The following CARMIL3 variants were observed in gnomAD, a reference collection of about 807,000 sequenced individuals.
CARMIL3 encodes the protein capping protein regulator and myosin 1 linker 3.
A neutral mutation model predicts 180.8 loss-of-function variants in CARMIL3; 88 were observed. The observed-to-expected ratio is 0.49, with a 90% CI of 0.41 to 0.58. The LOEUF is 0.58. Among genes scored for constraint, CARMIL3 ranks in the 20% least tolerant of loss-of-function variants. The pLI, the probability that CARMIL3 is intolerant of heterozygous loss-of-function variation, is 0.00. For missense variants in CARMIL3, 1,548 were observed against 1,787.0 expected, an observed-to-expected ratio of 0.87 and a Z score of 2.41; for synonymous variants, 696 against 714.5, an observed-to-expected ratio of 0.97 and a Z score of 0.41.
Position 24,055,701 on chromosome 14 carries a change from G to T in CARMIL3, c.682G>T (p.Gly228Cys), listed in dbSNP as rs541456471. Reference protein sequence around the residue: ...TKLYCKDLRLGSEVLEQVLHT... With the variant: ...TKLYCKDLRLCSEVLEQVLHT... ...TCACAAGACCCCCCTCTGTCCTCAGGGCTCTGAAGTGCTAGAACAGGTGCT... is the reference window on the plus strand; with the variant it reads ...TCACAAGACCCCCCTCTGTCCTCAGTGCTCTGAAGTGCTAGAACAGGTGCT... Residue 228 changes from glycine (G) to cysteine (C), a missense_variant and splice_region_variant, in exon 10 of 40, where the codon GGC (glycine) becomes TGC (cysteine). Around this residue, in one of 4 missense-constraint regions of CARMIL3, gnomAD observed 578 missense variants for 666.5 expected, o/e 0.87. Transcript: ENST00000342740. The T allele has an allele frequency of 6.8e-6, 11 of 1,614,046 alleles. No individual in the cohort carries two copies. In the Admixed American group the frequency reaches 1.8e-4, roughly 27 times the overall value.
chr14:24,052,316 A>C, intron 1 of CARMIL3, 123 bp downstream of exon 1: 1 of 964,498 alleles, frequency 1.0e-6, no homozygotes, highest in Non-Finnish European at 1.5e-6. Flanking sequence ...TCCTGGCTCC[A>C]AGGCAGCCCC....
chr14:24,057,104 C>T (rs1293440947), intron 13 of CARMIL3, 63 bp from the exon 14 acceptor site: 1 of 1,591,402 alleles, frequency 6.3e-7, no homozygotes, highest in East Asian at 2.3e-5. Context: ...TGCCCCATGG[C>T]CTCTGGGGGT....
Position 24,063,520 on chromosome 14 carries a change from C to G in CARMIL3, c.2966C>G (p.Pro989Arg), listed in dbSNP as rs2035754426. 1 of 1,611,444 alleles carries G rather than the reference C, an allele frequency of 6.2e-7. No individual in the cohort carries two copies. The highest frequency in any genetic ancestry group is 8.5e-7 in the Non-Finnish European group (1 of 1,179,418). Residue 989 changes from proline to arginine, a missense_variant, in exon 31 of 40, where the codon CCT (proline) becomes CGT (arginine). Transcript: ENST00000342740. ...CCCCCCAGGACCACACCTCCAGGAC[C>G]TGGTCGACCCAGTGTGAGTCCCTAA... is the stretch of plus-strand genomic sequence containing the variant. Reference protein sequence around the residue: ...PRPPRTTPPGPGRPSMPAPGT... With the variant: ...PRPPRTTPPGRGRPSMPAPGT...
In CARMIL3 at chr14:24,063,147, C is replaced by T. The variant is rs1417718967; in HGVS notation, c.2734C>T (p.Arg912Cys). 8.7e-6 allele frequency: 14 copies of T among 1,613,580 alleles called. No homozygotes were observed. The highest frequency in any genetic ancestry group is 4.5e-5 in the East Asian group (2 of 44,848). ...IDTMAIKKQK[R>C]CRKIRPVSAF... is the part of the protein sequence containing the mutation. ...CACCATGGCCATCAAAAAGCAGAAA[C>T]GCTGCCGCAAGATTCGGCCGGTGTC... is the stretch of plus-strand genomic sequence containing the variant. Residue 912 changes from arginine (R) to cysteine (C), a missense_variant, in exon 30 of 40, where the codon CGC (arginine) becomes TGC (cysteine). Around this residue, in one of 4 missense-constraint regions of CARMIL3, gnomAD observed 668 missense variants for 687.8 expected, o/e 0.97. Transcript: ENST00000342740.
In CARMIL3 at chr14:24,053,702, C is replaced by A. The variant is rs35809913; in HGVS notation, c.41-7C>A. ...GAAGCTCTGAGCAGGCTCCCACCCC[C>A]CCTCAGACAGCATCCGGAGGTGCCT... On this transcript the variant is annotated splice_region_variant and splice_polypyrimidine_tract_variant and intron_variant, in intron 1 of 39. Coordinates refer to ENST00000342740, the MANE Select transcript of CARMIL3 (RefSeq NM_138360.4). 4.6e-5 allele frequency: 74 copies of A among 1,603,634 alleles called. No individual in the cohort carries two copies. The highest frequency in any genetic ancestry group is 1.1e-4 in the East Asian group (5 of 44,840).
chr14:24,067,226 G>A (rs762454202), intron 36 of CARMIL3, among the ~76,000 whole-genome samples: 80 of 152,244 alleles, frequency 5.3e-4, no homozygotes, highest in Non-Finnish European at 1.9e-4. Context: ...CCCCATGACC[G>A]GAGGAGTAAA....
chr14:24,060,622 C>T lies in CARMIL3; in HGVS notation c.2062-6C>T, dbSNP rs1050732529. 1.9e-6 allele frequency: 3 copies of T among 1,613,474 alleles called. No homozygotes were observed. The highest frequency in any genetic ancestry group is 2.2e-5 in the East Asian group (1 of 44,890). On this transcript the variant is annotated splice_polypyrimidine_tract_variant and splice_region_variant and intron_variant, in intron 24 of 39. Coordinates refer to ENST00000342740, the MANE Select transcript of CARMIL3 (RefSeq NM_138360.4). ...TCCCCTTGACACCCCTGCCACTGTG[C>T]TCCAGATGCTGCAGCGGCTGTGTGG...
In CARMIL3 at chr14:24,065,019, CAGA is replaced by C. The variant is rs767115816; in HGVS notation, c.3149_3151del (p.Lys1050del). ...CTCGGAGGCACCGCTGCCTCCACTC[CAGA>C]AGAAGAGGCGCCGGGGCCTGTTTCA... On this transcript the variant is annotated inframe_deletion, in exon 33 of 40. Transcript: ENST00000342740. The C allele has an allele frequency of 6.2e-6, 10 of 1,611,922 alleles. No homozygotes were observed. Among genetic ancestry groups the C allele is most frequent in the Non-Finnish European group, 5.9e-6 (7 of 1,179,576 alleles).
intron 1 of CARMIL3, 99 bp downstream of exon 1, chr14:24,052,292 C>A: frequency 8.1e-7 from 1 of 1,227,518 alleles, no homozygotes; most frequent in Non-Finnish European, 1.1e-6. Flanking sequence ...GTCTCACACC[C>A]CTCACCCCAT....
In CARMIL3 at chr14:24,066,522, C is replaced by G. The variant is rs1446414301; in HGVS notation, c.3593-45C>G. On this transcript the variant is annotated intron_variant, in intron 35 of 39. Transcript: ENST00000342740. ...CCCCTCTCTCAGGGGTCAAATTTAC[C>G]TTTTCCCTTTCTCCTCTCTTTCTCA... The G allele has an allele frequency of 1.1e-5, 17 of 1,612,336 alleles. No individual in the cohort carries two copies. The Admixed American group carries it at 2.3e-4, about 22-fold the overall frequency.
At chr14:24,056,205 C>G in intron 10 of CARMIL3, 94 bp from the exon 11 acceptor site, 3 of 1,047,216 alleles carry the variant, frequency 2.9e-6, no homozygotes, top group Non-Finnish European at 2.8e-6. Context: ...ACCATGCAGC[C>G]CCAGCCAGGC....
chr14:24,066,267 G>A, intron 34 of CARMIL3, 131 bp from the exon 35 acceptor site: 1 of 1,107,024 alleles, frequency 9.0e-7, no homozygotes, highest in Non-Finnish European at 1.3e-6. Flanking sequence ...CCACTCTTTG[G>A]GAAACAGTTT....
chr14:24,058,814 GC>G lies in CARMIL3; in HGVS notation c.1474+54del. 1 of 1,612,384 alleles carries G rather than the reference GC, an allele frequency of 6.2e-7. No individual in the cohort carries two copies. The highest frequency in any genetic ancestry group is 8.5e-7 in the Non-Finnish European group (1 of 1,178,518). On this transcript the variant is annotated intron_variant, in intron 18 of 39. Transcript: ENST00000342740. This position sits in a 1 kb window ranked among gnomAD's most constrained non-coding sequence, Gnocchi z 6.4. Reference sequence around the variant, plus strand: ...GGCCAGGGGAGAACAGGGGCCTGGAGCATGCAGAAGCAGCCCTGATGGGACA... The same window carrying G: ...GGCCAGGGGAGAACAGGGGCCTGGAGATGCAGAAGCAGCCCTGATGGGACA...
intron 14 of CARMIL3, among the ~76,000 whole-genome samples, chr14:24,057,487 G>T: frequency 6.6e-6 from 1 of 152,200 alleles, no homozygotes; most frequent in East Asian, 1.9e-4. Context: ...GTGCACCCTG[G>T]CTCCACCAGG....
intron 29 of CARMIL3, 71 bp from the exon 30 acceptor site, chr14:24,063,049 A>G: frequency 1.3e-6 from 2 of 1,584,710 alleles, no homozygotes; most frequent in Non-Finnish European, 1.7e-6. Flanking sequence ...ATGGGCTCAA[A>G]TAAGGTTTCA....
In CARMIL3 at chr14:24,058,783, C is replaced by A; in HGVS notation, c.1474+22C>A. The stretch of plus-strand genomic sequence containing the variant: ...AATGGTGAGTAGTGGTTCCTCCCTT[C>A]CCTGGGGCCAGGGGAGAACAGGGGC... On this transcript the variant is annotated intron_variant, in intron 18 of 39. Transcript: ENST00000342740. This position sits in a 1 kb window ranked among gnomAD's most constrained non-coding sequence, Gnocchi z 6.4. The A allele has an allele frequency of 2.5e-6, 4 of 1,613,816 alleles. No homozygotes were observed. The highest frequency in any genetic ancestry group is 3.4e-6 in the Non-Finnish European group (4 of 1,179,750).
intron 33 of CARMIL3, 159 bp from the exon 34 acceptor site, chr14:24,065,463 A>G: frequency 1.8e-6 from 2 of 1,139,164 alleles, no homozygotes; most frequent in African/African-American, 1.6e-5. Flanking sequence ...GGAGTGCTAT[A>G]TGCGAATGCA....
chr14:24,055,301 TGGAGAGCC>T lies in CARMIL3; in HGVS notation c.599_605+1del. The T allele has an allele frequency of 6.2e-7, 1 of 1,614,102 alleles. No homozygotes were observed. Among genetic ancestry groups the T allele is most frequent in the African/African-American group, 1.3e-5 (1 of 75,010 alleles). ...TTCAATCTTTTGGATTTCAGCCACT[TGGAGAGCC>T]GGTAAGCAGATGGGGCAGAGACTCC... On this transcript the variant is annotated frameshift_variant and splice_region_variant, in exon 8 of 40. Transcript: ENST00000342740. LOFTEE classifies it high-confidence loss of function.
At position 24,057,893 on chromosome 14, in the gene CARMIL3, G is replaced by C; in HGVS notation, c.1217+14G>C. On this transcript the variant is annotated intron_variant, in intron 15 of 39. Coordinates refer to ENST00000342740, the MANE Select transcript of CARMIL3 (RefSeq NM_138360.4). ...CTGCTCCCACAGGTGGGAGAGGAGG[G>C]GGAAGGGAGGACAGGGCAAGACATG... 1 of 1,613,076 alleles carries C rather than the reference G, an allele frequency of 6.2e-7. No homozygotes were observed.
Sources: allele counts gnomAD v4.1 joint callset (sites outside exome capture counted in the v4.1 genomes callset), GRCh38; gene constraint gnomAD v4.1.1; regional missense constraint gnomAD v4.1.1; non-coding constraint Gnocchi (gnomAD v3.1); transcripts MANE v1.5; gene names NCBI Gene and HGNC (gene_info 2026-07-23, HGNC 2026-07-21).